The following USP25 variants were observed in gnomAD, a reference collection of about 807,000 sequenced individuals.
USP25 encodes ubiquitin specific peptidase 25.
USP25 carries 85 observed loss-of-function variants against 158.5 expected under a neutral mutation model. The ratio of observed to expected loss-of-function variants is 0.54; its 90% CI spans 0.45 to 0.64. The LOEUF (loss-of-function observed/expected upper bound fraction) is 0.64, where lower values mean the gene tolerates loss of function less well. USP25 is among the 30% of genes least tolerant of loss of function. The probability of loss-of-function intolerance (pLI) is 0.00; values close to 1 mark genes in which losing one functional copy is unlikely to be tolerated. For missense variants in USP25, 1,242 were observed against 1,327.3 expected (o/e 0.94, Z 1.00); for synonymous variants, 464 against 460.4 (o/e 1.01, Z -0.10).
intron 1 of USP25, among the ~76,000 whole-genome samples, chr21:15,753,020 T>A (rs908398850): frequency 2.0e-5 from 3 of 152,182 alleles, no homozygotes; most frequent in African/African-American, 7.2e-5. Context: ...CAGTAGGAGT[T>A]TTACTACTTG....
rs2037053669 is a variant in USP25, at chr21:15,818,313, A to T, written c.932-385A>T. ...TTTGTAATTATTTGTTTATAAATATATGTGAAGTTAATGGGTATAATGTTT... is the reference window on the plus strand; with the variant it reads ...TTTGTAATTATTTGTTTATAAATATTTGTGAAGTTAATGGGTATAATGTTT... On this transcript the variant is annotated intron_variant, in intron 9 of 25. Coordinates refer to ENST00000400183, the MANE Select transcript of USP25 (RefSeq NM_001283041.3). 2.0e-5 allele frequency among the ~76,000 whole-genome samples: 3 copies of T among 152,286 alleles called. No homozygotes were observed. In the South Asian group the frequency reaches 6.2e-4, roughly 32 times the overall value.
At chr21:15,855,401 G>A (rs530266455) in intron 20 of USP25, among the ~76,000 whole-genome samples, 32 of 151,900 alleles carry the variant, frequency 2.1e-4, no homozygotes, top group Non-Finnish European at 4.1e-4. Flanking sequence ...AGTACAACTC[G>A]GTGAATTTTT....
chr21:15,831,892 G>T (rs1486570749), intron 16 of USP25, among the ~76,000 whole-genome samples: 1 of 152,076 alleles, frequency 6.6e-6, no homozygotes, highest in Non-Finnish European at 1.5e-5. Flanking sequence ...TCCACAGATT[G>T]ACTCACATTT....
At position 15,854,594 on chromosome 21, in the gene USP25, T is replaced by C. The variant is rs75678066; in HGVS notation, c.2547+4722T>C. The stretch of plus-strand genomic sequence containing the variant: ...ACTTCTGAATATGGATTTCCTTATG[T>C]ATTATGATTAGACCAACTTTTTAAT... On this transcript the variant is annotated intron_variant, in intron 20 of 25. Coordinates refer to ENST00000400183, the MANE Select transcript of USP25 (RefSeq NM_001283041.3). 6.1e-3 allele frequency among the ~76,000 whole-genome samples: 932 copies of C among 152,328 alleles called. 3 individuals are homozygous for C. Among genetic ancestry groups the C allele is most frequent in the Non-Finnish European group, 9.6e-3 (654 of 68,032 alleles).
intron 1 of USP25, among the ~76,000 whole-genome samples, chr21:15,741,341 T>G (rs2032040824): frequency 6.6e-6 from 1 of 152,088 alleles, no homozygotes; most frequent in Non-Finnish European, 1.5e-5. Context: ...TGTGTACATT[T>G]GTAAGCAGGT....
At chr21:15,731,159 CTG>C (rs950094025) in intron 1 of USP25, among the ~76,000 whole-genome samples, 47 of 152,040 alleles carry the variant, frequency 3.1e-4, no homozygotes, top group African/African-American at 1.1e-3. Flanking sequence ...AATTAAAAAA[CTG>C]TTTGTGAAAC....
At chr21:15,877,153 T>C (rs906929489) in intron 24 of USP25, 3 of 152,214 alleles carry the variant, frequency 2.0e-5, no homozygotes, top group Non-Finnish European at 4.4e-5. Flanking sequence ...AACAGAAACT[T>C]CATGGCCTTC....
At chr21:15,793,408 T>A (rs1231811017) in intron 5 of USP25, among the ~76,000 whole-genome samples, 1 of 144,434 alleles carries the variant, frequency 6.9e-6, no homozygotes, top group Non-Finnish European at 1.5e-5. Context: ...GTTTCTACCC[T>A]AAGTTTGCTA....
chr21:15,787,910 C>T (rs983665995), intron 4 of USP25, among the ~76,000 whole-genome samples: 1 of 146,592 alleles, frequency 6.8e-6, no homozygotes, highest in Non-Finnish European at 1.5e-5. Flanking sequence ...TCACCCCCCC[C>T]CCAAGTAAAA....
intron 4 of USP25, among the ~76,000 whole-genome samples, chr21:15,790,745 T>A (rs555441693): frequency 6.6e-5 from 10 of 151,880 alleles, no homozygotes; most frequent in African/African-American, 2.4e-4. Flanking sequence ...GAACCAGGGT[T>A]TTCCAGTTAT....
intron 8 of USP25, among the ~76,000 whole-genome samples, chr21:15,810,123 T>C (rs891911717): frequency 3.3e-5 from 5 of 152,202 alleles, no homozygotes; most frequent in Non-Finnish European, 7.3e-5. Flanking sequence ...TAAAGGGTTA[T>C]GTACATTTTA....
chr21:15,840,280 T>G (rs754216894), intron 17 of USP25, among the ~76,000 whole-genome samples: 2 of 152,214 alleles, frequency 1.3e-5, no homozygotes, highest in Non-Finnish European at 2.9e-5. Flanking sequence ...ACAGTGCTTT[T>G]ATAAAACCTT....
intron 9 of USP25, among the ~76,000 whole-genome samples, chr21:15,815,403 A>G (rs758725561): frequency 2.6e-5 from 4 of 152,204 alleles, no homozygotes. Context: ...TCCAGACCCC[A>G]GAATGTTAGA....
At chr21:15,871,351 T>C (rs1020038273) in intron 23 of USP25, among the ~76,000 whole-genome samples, 3 of 152,204 alleles carry the variant, frequency 2.0e-5, no homozygotes, top group Non-Finnish European at 4.4e-5. Context: ...AAATGTACTA[T>C]TAGAATTTAT....
intron 20 of USP25, among the ~76,000 whole-genome samples, chr21:15,853,937 C>T (rs2039013091): frequency 6.6e-6 from 1 of 152,068 alleles, no homozygotes; most frequent in Non-Finnish European, 1.5e-5. Flanking sequence ...TAGTTATTGG[C>T]ATGTTTAAAT....
intron 11 of USP25, 119 bp downstream of exon 11, chr21:15,824,285 C>T: frequency 8.8e-7 from 1 of 1,135,638 alleles, no homozygotes; most frequent in Non-Finnish European, 1.2e-6. Context: ...GCATAATATA[C>T]CTAATACCAT....
At chr21:15,821,646 A>C (rs1005509930) in intron 10 of USP25, among the ~76,000 whole-genome samples, 1 of 152,008 alleles carries the variant, frequency 6.6e-6, no homozygotes, top group African/African-American at 2.4e-5. Context: ...AGGGCAAATG[A>C]GTCAAGGCAA....
intron 1 of USP25, among the ~76,000 whole-genome samples, chr21:15,741,749 G>A (rs2032078438): frequency 1.3e-5 from 2 of 152,142 alleles, no homozygotes; most frequent in African/African-American, 2.4e-5. Flanking sequence ...CAGAGATGTA[G>A]CTAAAGGTAG....
At chr21:15,784,226 TAAA>T (rs2035144876) in intron 4 of USP25, among the ~76,000 whole-genome samples, 1 of 152,150 alleles carries the variant, frequency 6.6e-6, no homozygotes. Flanking sequence ...GGTTTAAAGT[TAAA>T]AATGTCAGAA....
Sources: allele counts gnomAD v4.1 joint callset (sites outside exome capture counted in the v4.1 genomes callset), GRCh38; gene constraint gnomAD v4.1.1; transcripts MANE v1.5; gene names NCBI Gene and HGNC (gene_info 2026-07-23, HGNC 2026-07-21).